ADGRL2: variants seen among roughly 807,000 people sequenced by gnomAD.
ADGRL2 encodes calcium-independent alpha-latrotoxin receptor 2.
Under a neutral mutation model 157.4 loss-of-function variants are expected in ADGRL2, and 44 were observed. That is an observed-to-expected ratio of 0.28 (90% confidence interval 0.22 to 0.36). The LOEUF is 0.36. Ranked by LOEUF, ADGRL2 falls within the 10% of genes least tolerant of loss-of-function variation. ADGRL2 has a pLI of 1.00. For synonymous variants in ADGRL2, 585 were observed against 624.7 expected (o/e 0.94, Z 0.95); for missense variants, 1,510 against 1,768.9 (o/e 0.85, Z 2.63).
At chr1:81,669,600 T>G (rs2082825242) in intron 3 of ADGRL2, among the ~76,000 whole-genome samples, 1 of 152,090 alleles carries the variant, frequency 6.6e-6, no homozygotes, top group Admixed American at 6.6e-5. Context: ...TTAATGAGAT[T>G]AGATGGGTGC....
At chr1:81,515,969 C>T (rs1037025930) in intron 2 of ADGRL2, among the ~76,000 whole-genome samples, 6 of 152,100 alleles carry the variant, frequency 3.9e-5, no homozygotes, top group African/African-American at 1.4e-4. Context: ...CAAATGACTT[C>T]ATGGTATTCC....
At chr1:81,884,187 C>T (rs182620692) in intron 2 of ADGRL2, among the ~76,000 whole-genome samples, 10 of 152,146 alleles carry the variant, frequency 6.6e-5, no homozygotes, top group African/African-American at 2.2e-4. Flanking sequence ...GGTTTTGCCA[C>T]ATTACCCAGG....
At chr1:81,616,268 C>G (rs1008438022) in intron 3 of ADGRL2, among the ~76,000 whole-genome samples, 2 of 152,180 alleles carry the variant, frequency 1.3e-5, no homozygotes, top group African/African-American at 4.8e-5. Context: ...AAAGGAGGAA[C>G]AAGGCACAAT....
intron 3 of ADGRL2, among the ~76,000 whole-genome samples, chr1:81,638,914 G>A (rs771178563): frequency 8.5e-5 from 13 of 152,174 alleles, no homozygotes; most frequent in Non-Finnish European, 1.6e-4. Context: ...TGAGGTGAGA[G>A]GATCGCTTGA....
At chr1:81,416,638 T>TCA (rs1201040614) in intron 1 of ADGRL2, among the ~76,000 whole-genome samples, 1 of 152,232 alleles carries the variant, frequency 6.6e-6, no homozygotes, top group African/African-American at 2.4e-5. Flanking sequence ...TTCCATTTAT[T>TCA]CATTCATCTA....
At chr1:81,633,567 G>T (rs2082054660) in intron 3 of ADGRL2, among the ~76,000 whole-genome samples, 1 of 130,242 alleles carries the variant, frequency 7.7e-6, no homozygotes, top group South Asian at 2.5e-4. Flanking sequence ...CTGCACTCCA[G>T]CCTGGGTAAC....
chr1:81,330,865 C>T (rs370393618), intron 1 of ADGRL2, among the ~76,000 whole-genome samples: 45 of 152,232 alleles, frequency 3.0e-4, no homozygotes, highest in African/African-American at 9.4e-4. Context: ...AAAATATGAA[C>T]GTTGCTCAAC....
chr1:81,474,637 G>A (rs2078236098), intron 2 of ADGRL2, among the ~76,000 whole-genome samples: 1 of 152,126 alleles, frequency 6.6e-6, no homozygotes. Flanking sequence ...ATAGAGTAGA[G>A]TCAAATCACT....
chr1:81,578,895 C>G (rs911374167), intron 2 of ADGRL2, among the ~76,000 whole-genome samples: 2 of 152,102 alleles, frequency 1.3e-5, no homozygotes, highest in Admixed American at 6.6e-5. Context: ...ACATATGGCA[C>G]TTGAAGAGAG....
intron 2 of ADGRL2, among the ~76,000 whole-genome samples, chr1:81,866,915 A>G (rs2093558434): frequency 6.6e-6 from 1 of 152,158 alleles, no homozygotes; most frequent in South Asian, 2.1e-4. Flanking sequence ...TGTCCATAAC[A>G]TGCATAGGAA....
chr1:81,496,185 A>C (rs2147982406), intron 2 of ADGRL2, among the ~76,000 whole-genome samples: 1 of 152,218 alleles, frequency 6.6e-6, no homozygotes, highest in Admixed American at 6.5e-5. Context: ...TGAAACCCAA[A>C]CTTTCAGTGG....
intron 3 of ADGRL2, among the ~76,000 whole-genome samples, chr1:81,642,248 CAAAAAAAAAAAAA>C (rs35830955): frequency 1.6e-5 from 1 of 61,632 alleles, no homozygotes; most frequent in South Asian, 5.6e-4. Flanking sequence ...ACTCTGTCTC[CAAAAAAAAAAAAA>C]AAAAAAAAAT....
rs58742441 is a variant in ADGRL2 at position 81,624,550 on chromosome 1, A to AC, written c.-143+43578dup. The stretch of plus-strand genomic sequence containing the variant: ...TGAACCAAGATTGTGCCACTGCCCC[A>AC]CCCCCCCCAAAAATAAAAAAGTAAT... On this transcript the variant is annotated intron_variant, in intron 3 of 24. Coordinates refer to the ADGRL2 transcript ENST00000370721. Among the ~76,000 whole-genome samples, 927 of 150,386 alleles carry AC rather than the reference A, an allele frequency of 6.2e-3. 18 individuals are homozygous for AC. The highest frequency in any genetic ancestry group is 0.02 in the African/African-American group (806 of 40,946).
intron 1 of ADGRL2, among the ~76,000 whole-genome samples, chr1:81,311,377 A>G (rs1169409634): frequency 6.6e-6 from 1 of 152,248 alleles, no homozygotes; most frequent in East Asian, 1.9e-4. Context: ...TTTATATCAC[A>G]CAAGTCAGCC....
Position 81,950,248 on chromosome 1 carries a change from A to G in ADGRL2, c.1270A>G (p.Thr424Ala), listed in dbSNP as rs201834453. 1.2e-6 allele frequency: 2 copies of G among 1,614,100 alleles called. No individual in the cohort carries two copies. Among genetic ancestry groups the G allele is most frequent in the Admixed American group, 1.7e-5 (1 of 60,012 alleles). ...TGAGCTGTTCAAAACCATAATATCAACCACAAGCACTACTTCACAGAAAGG... is the reference window on the plus strand; with the variant it reads ...TGAGCTGTTCAAAACCATAATATCAGCCACAAGCACTACTTCACAGAAAGG... ...SAELFKTIIS[T>A]TSTTSQKGPM... The change falls in exon 7 of 24, where the codon ACC (threonine) becomes GCC (alanine). Residue 424 changes from threonine (T) to alanine (A), a missense_variant. Thr to Ala is a moderately conservative substitution (Grantham distance 58, BLOSUM62 0). Coordinates refer to ENST00000686636, the MANE Select transcript of ADGRL2 (RefSeq NM_001366006.2).
intron 2 of ADGRL2, among the ~76,000 whole-genome samples, chr1:81,874,734 C>T (rs1395720144): frequency 6.6e-6 from 1 of 151,428 alleles, no homozygotes; most frequent in East Asian, 1.9e-4. Context: ...GAGATGGAGT[C>T]TTGCTCTGTA....
chr1:81,520,823 C>G (rs1289859800), intron 2 of ADGRL2, among the ~76,000 whole-genome samples: 1 of 152,150 alleles, frequency 6.6e-6, no homozygotes, highest in Non-Finnish European at 1.5e-5. Flanking sequence ...AAGTCTATGA[C>G]AGGCAGTCTG....
At chr1:81,808,283 G>T (rs1159959440) in intron 1 of ADGRL2, among the ~76,000 whole-genome samples, 1 of 151,900 alleles carries the variant, frequency 6.6e-6, no homozygotes. Flanking sequence ...ATCAATTTAG[G>T]TTGAAAAACA....
At chr1:81,433,407 G>C (rs1485545962) in intron 1 of ADGRL2, among the ~76,000 whole-genome samples, 1 of 152,162 alleles carries the variant, frequency 6.6e-6, no homozygotes, top group African/African-American at 2.4e-5. Context: ...GTCCCTTTGA[G>C]AAAGCGATTA....
Sources: gnomAD v4.1 joint callset for allele counts (sites outside exome capture counted in the v4.1 genomes callset) on GRCh38, gnomAD v4.1.1 for gene constraint, MANE v1.5 for transcripts, NCBI Gene and HGNC (gene_info 2026-07-23, HGNC 2026-07-21) for gene names.